AK5: variants seen among roughly 807,000 people sequenced by gnomAD.
The protein encoded by AK5 is adenylate kinase isoenzyme 5.
Under a neutral mutation model 69.5 loss-of-function variants are expected in AK5, and 27 were observed. That is an observed-to-expected ratio of 0.39 (90% CI 0.29 to 0.54). The LOEUF (loss-of-function observed/expected upper bound fraction) is 0.54. Among genes scored for constraint, AK5 ranks in the 20% least tolerant of loss-of-function variants. The probability of loss-of-function intolerance (pLI) is 0.71; values close to 1 mark genes in which losing one functional copy is unlikely to be tolerated. For missense variants in AK5, 531 were observed against 700.4 expected (o/e 0.76, Z 2.73); for synonymous variants, 260 against 244.4 (o/e 1.06, Z -0.60).
chr1:77,417,470 G>C (rs1190236329), intron 7 of AK5, among the ~76,000 whole-genome samples, 169 bp from the exon 8 acceptor site: 2 of 152,120 alleles, frequency 1.3e-5, no homozygotes, highest in Admixed American at 1.3e-4. Flanking sequence ...CAGAGTCTCT[G>C]CATTTTGAAT....
At chr1:77,486,395 T>TTGTTCTAACAATACAATTGCTA in intron 10 of AK5, 43 bp downstream of exon 10, 1 of 1,489,808 alleles carries the variant, frequency 6.7e-7, no homozygotes, top group Non-Finnish European at 9.3e-7. Context: ...CAATTGCTAA[T>TTGTTCTAACAATACAATTGCTA]AATAAGAATT....
intron 5 of AK5, among the ~76,000 whole-genome samples, chr1:77,312,718 T>C (rs1660033192): frequency 6.6e-6 from 1 of 152,050 alleles, no homozygotes; most frequent in South Asian, 2.1e-4. Flanking sequence ...TTCTTAAATA[T>C]GCATCTTGGT....
At chr1:77,282,702 G>C (rs141309325) in intron 1 of AK5, 1 of 1,098,760 alleles carries the variant, frequency 9.1e-7, no homozygotes, top group African/African-American at 1.7e-5. Context: ...GCACTCTCTG[G>C]GGGCGAGGGC....
At chr1:77,430,868 C>T (rs1368927226) in intron 8 of AK5, among the ~76,000 whole-genome samples, 1 of 152,068 alleles carries the variant, frequency 6.6e-6, no homozygotes, top group Admixed American at 6.6e-5. Context: ...CTTTACAAAG[C>T]GCTATAAAGT....
intron 8 of AK5, among the ~76,000 whole-genome samples, chr1:77,475,433 ATG>A (rs1491580641): frequency 0.01 from 43 of 4,108 alleles, no homozygotes; most frequent in Non-Finnish European, 0.019. Flanking sequence ...TATTATATAT[ATG>A]TATATATATT....
At chr1:77,322,229 C>T (rs925142948) in intron 5 of AK5, among the ~76,000 whole-genome samples, 1 of 151,960 alleles carries the variant, frequency 6.6e-6, no homozygotes, top group Non-Finnish European at 1.5e-5. Context: ...GTGAGTAGCC[C>T]TTGATTATAG....
chr1:77,301,153 A>G (rs6685087), intron 5 of AK5, among the ~76,000 whole-genome samples: 15,308 of 152,238 alleles, frequency 0.1, 953 homozygotes, highest in East Asian at 0.2. Context: ...AATAGTCTCC[A>G]TATGAACAGT....
intron 1 of AK5, among the ~76,000 whole-genome samples, chr1:77,284,155 A>G (rs1658218927): frequency 2.0e-5 from 3 of 152,230 alleles, no homozygotes; most frequent in Non-Finnish European, 2.9e-5. Flanking sequence ...TCACTTGTGG[A>G]CAATGAGAAG....
chr1:77,503,186 G>C (rs1487042850), intron 10 of AK5, among the ~76,000 whole-genome samples: 1 of 152,130 alleles, frequency 6.6e-6, no homozygotes, highest in African/African-American at 2.4e-5. Flanking sequence ...AGTTAACATT[G>C]TAACATGTAA....
rs182928987 is a variant in AK5, at chr1:77,471,084, G to A, written c.1060-12233G>A. Among the ~76,000 whole-genome samples the A allele has an allele frequency of 4.5e-3, 684 of 150,752 alleles. 2 individuals are homozygous for A. The highest frequency in any genetic ancestry group is 0.016 in the African/African-American group (650 of 40,980). On this transcript the variant is annotated intron_variant, in intron 8 of 13. Coordinates refer to ENST00000354567, the MANE Select transcript of AK5 (RefSeq NM_174858.3). ...TTTTTAGTAGAGACGTGGTTTCACCGTGTTAGCCAAGATGGTATCAATCTC... is the reference window on the plus strand; with the variant it reads ...TTTTTAGTAGAGACGTGGTTTCACCATGTTAGCCAAGATGGTATCAATCTC...
At chr1:77,361,305 T>C (rs1384278832) in intron 6 of AK5, among the ~76,000 whole-genome samples, 2 of 152,178 alleles carry the variant, frequency 1.3e-5, no homozygotes, top group African/African-American at 4.8e-5. Flanking sequence ...AGCTCTAACT[T>C]TGGTCTCAAA....
intron 8 of AK5, among the ~76,000 whole-genome samples, chr1:77,429,023 A>C (rs1651411999): frequency 6.6e-6 from 1 of 152,118 alleles, no homozygotes; most frequent in Non-Finnish European, 1.5e-5. Flanking sequence ...GGTTGGTTCC[A>C]AGTCTTTGCT....
In AK5 at chr1:77,402,662, A is replaced by G. The variant is rs1649312532; in HGVS notation, c.892-8319A>G. ...ATGGCTGCATAGTATTCCATGGTGT[A>G]TATGTGCCACATTTTCTTAATCCAG... On this transcript the variant is annotated intron_variant, in intron 6 of 13. Coordinates refer to ENST00000354567, the MANE Select transcript of AK5 (RefSeq NM_174858.3). 5.9e-5 allele frequency among the ~76,000 whole-genome samples: 9 copies of G among 151,842 alleles called. No individual in the cohort carries two copies. The South Asian group carries it at 1.9e-3, about 32-fold the overall frequency.
intron 6 of AK5, among the ~76,000 whole-genome samples, chr1:77,347,171 T>G (rs867404874): frequency 6.6e-6 from 1 of 152,204 alleles, no homozygotes; most frequent in Non-Finnish European, 1.5e-5. Flanking sequence ...GTAACAATGA[T>G]ATCTATATTC....
intron 5 of AK5, among the ~76,000 whole-genome samples, chr1:77,310,633 G>A (rs368535721): frequency 4.1e-4 from 62 of 152,018 alleles, no homozygotes; most frequent in African/African-American, 1.3e-3. Context: ...CACCCGCCTC[G>A]GCCTCCCAAA....
intron 5 of AK5, among the ~76,000 whole-genome samples, chr1:77,305,329 T>C (rs1163246169): frequency 6.6e-6 from 1 of 152,110 alleles, no homozygotes; most frequent in South Asian, 2.1e-4. Context: ...TGCAAAAGCT[T>C]TTAAATTTGA....
At chr1:77,408,274 T>C (rs1303977051) in intron 6 of AK5, among the ~76,000 whole-genome samples, 1 of 152,216 alleles carries the variant, frequency 6.6e-6, no homozygotes, top group Non-Finnish European at 1.5e-5. Flanking sequence ...TTTCCTTTTC[T>C]CTGCAGCCTC....
At position 77,558,732 on chromosome 1, in the gene AK5, C is replaced by T; in HGVS notation, c.*62C>T. On this transcript the variant is annotated 3_prime_UTR_variant, in exon 14 of 14. Transcript: ENST00000354567. ...AAACATTAAAAAGTTCATTCCTTAA[C>T]ACAATGTTTCAAGTTAAACCTTTTG... is the stretch of plus-strand genomic sequence containing the variant. The T allele has an allele frequency of 8.4e-7, 1 of 1,191,304 alleles. No individual in the cohort carries two copies. Among genetic ancestry groups the T allele is most frequent in the South Asian group, 1.3e-5 (1 of 79,996 alleles). 73.8% of individuals were successfully genotyped at this position (1,191,304 alleles called of 1,614,324 possible).
intron 13 of AK5, among the ~76,000 whole-genome samples, chr1:77,554,456 G>A (rs1659974434): frequency 6.6e-6 from 1 of 152,176 alleles, no homozygotes; most frequent in Non-Finnish European, 1.5e-5. Flanking sequence ...CCCTTCATAT[G>A]ATAGAGGAGG....
Sources: gnomAD v4.1 joint callset for allele counts (sites outside exome capture counted in the v4.1 genomes callset) on GRCh38, gnomAD v4.1.1 for gene constraint, MANE v1.5 for transcripts, NCBI Gene and HGNC (gene_info 2026-07-23, HGNC 2026-07-21) for gene names.